Variants in PPP1R12B observed in about 807,000 individuals in gnomAD.
PPP1R12B encodes the protein protein phosphatase 1 regulatory subunit 12B, also known as myosin phosphatase target subunit 2.
In PPP1R12B, 76 loss-of-function variants were observed where a neutral mutation model predicts 126.1. The observed-to-expected ratio is 0.60, with a 90% CI of 0.50 to 0.73. The LOEUF is 0.73. Among genes scored for constraint, PPP1R12B ranks in the 30% least tolerant of loss-of-function variants. The pLI is 0.00. For synonymous variants in PPP1R12B, 356 were observed against 434.7 expected (o/e 0.82, Z 2.25); for missense variants, 1,052 against 1,205.1 (o/e 0.87, Z 1.88).
At chr1:202,394,433 T>C (rs1664622036) in intron 1 of PPP1R12B, among the ~76,000 whole-genome samples, 1 of 152,078 alleles carries the variant, frequency 6.6e-6, no homozygotes, top group Admixed American at 6.5e-5. Flanking sequence ...AATAAAAATA[T>C]ACTCTGTGTT....
At chr1:202,452,268 C>T (rs1029328320) in intron 13 of PPP1R12B, among the ~76,000 whole-genome samples, 1 of 152,226 alleles carries the variant, frequency 6.6e-6, no homozygotes, top group African/African-American at 2.4e-5. Context: ...CCATTGAGCA[C>T]TGAGTGAACG....
intron 13 of PPP1R12B, among the ~76,000 whole-genome samples, chr1:202,479,621 G>A (rs897533190): frequency 6.6e-6 from 1 of 152,184 alleles, no homozygotes; most frequent in Admixed American, 6.5e-5. Context: ...TACATTCTAA[G>A]GGCTTACCAG....
In PPP1R12B at chr1:202,488,624, G is replaced by A. The variant is rs1233389370; in HGVS notation, c.1941+1G>A. 1.9e-6 allele frequency: 3 copies of A among 1,603,634 alleles called. No homozygotes were observed. Among genetic ancestry groups the A allele is most frequent in the Admixed American group, 3.4e-5 (2 of 59,372 alleles). ...TCGGCAGACACGAAGGTCTACTCAA[G>A]TGAGTGTGGCTTTTTTTAAAATGTC... On this transcript the variant is annotated splice_donor_variant, in intron 14 of 23. Coordinates refer to ENST00000608999, the MANE Select transcript of PPP1R12B (RefSeq NM_002481.4). LOFTEE classifies it high-confidence loss of function.
chr1:202,362,707 A>G (rs956811942), intron 1 of PPP1R12B, among the ~76,000 whole-genome samples: 9 of 150,950 alleles, frequency 6.0e-5, no homozygotes, highest in African/African-American at 1.9e-4. Flanking sequence ...TTAAAATTAT[A>G]AATTTAATTT....
At chr1:202,447,258 G>A (rs1455264122) in intron 12 of PPP1R12B, among the ~76,000 whole-genome samples, 1 of 152,152 alleles carries the variant, frequency 6.6e-6, no homozygotes, top group East Asian at 1.9e-4. Flanking sequence ...TTATTTTATA[G>A]ACGAGGAAAC....
intron 10 of PPP1R12B, chr1:202,439,309 C>A (rs1194465775): frequency 3.5e-6 from 5 of 1,419,394 alleles, no homozygotes; most frequent in Admixed American, 1.7e-5. Flanking sequence ...GAGGCCATCT[C>A]CATCCTGAGG....
At chr1:202,479,203 T>C (rs1337188273) in intron 13 of PPP1R12B, among the ~76,000 whole-genome samples, 2 of 152,186 alleles carry the variant, frequency 1.3e-5, no homozygotes, top group African/African-American at 4.8e-5. Flanking sequence ...GGAATTCCAA[T>C]TTACTAATTT....
At chr1:202,428,135 G>A (rs951017823) in intron 5 of PPP1R12B, among the ~76,000 whole-genome samples, 8 of 151,964 alleles carry the variant, frequency 5.3e-5, no homozygotes, top group Non-Finnish European at 1.2e-4. Context: ...ATAGATGAAG[G>A]TATTATCATA....
In PPP1R12B at chr1:202,588,745, G is replaced by T. The variant is rs936133506; in HGVS notation, c.*8185G>T. The T allele has an allele frequency of 6.6e-6, 1 of 151,968 alleles. No homozygotes were observed. The highest frequency in any genetic ancestry group is 2.4e-5 in the African/African-American group (1 of 41,328). 9.4% of individuals were successfully genotyped at this position (151,968 alleles called of 1,614,324 possible). ...CACAGTGAGTCATGGCCACTGAGAA[G>T]GGTCTCTGGTAGTATCAAGGAATTT... On this transcript the variant is annotated 3_prime_UTR_variant, in exon 24 of 24. Coordinates refer to ENST00000608999, the MANE Select transcript of PPP1R12B (RefSeq NM_002481.4).
chr1:202,523,401 TA>T (rs1682981339), intron 18 of PPP1R12B, among the ~76,000 whole-genome samples: 1 of 152,202 alleles, frequency 6.6e-6, no homozygotes. Context: ...GAGTATATCT[TA>T]TTGACAGGTT....
intron 1 of PPP1R12B, among the ~76,000 whole-genome samples, chr1:202,353,792 TG>T (rs1656515287): frequency 6.6e-6 from 1 of 152,016 alleles, no homozygotes; most frequent in South Asian, 2.1e-4. Flanking sequence ...TAAAATTTTT[TG>T]TAGACAAGGG....
At chr1:202,451,707 T>C in intron 13 of PPP1R12B, among the ~76,000 whole-genome samples, 1 of 150,904 alleles carries the variant, frequency 6.6e-6, no homozygotes, top group East Asian at 2.0e-4. Flanking sequence ...GACGGGGTGG[T>C]GGCCGGGCAG....
chr1:202,370,610 C>G (rs1234466305), intron 1 of PPP1R12B, among the ~76,000 whole-genome samples: 1 of 151,958 alleles, frequency 6.6e-6, no homozygotes, highest in Non-Finnish European at 1.5e-5. Context: ...GATCTCAGCT[C>G]ACTGCAACCT....
chr1:202,422,113 C>T (rs1668874159), intron 2 of PPP1R12B, among the ~76,000 whole-genome samples: 1 of 152,208 alleles, frequency 6.6e-6, no homozygotes, highest in African/African-American at 2.4e-5. Context: ...AATTATTTAA[C>T]ATTTTAATAT....
rs556219593 is a variant in PPP1R12B at position 202,456,044 on chromosome 1, G to A, written c.1850+6873G>A. Among the ~76,000 whole-genome samples, 3 of 152,152 alleles carry A rather than the reference G, an allele frequency of 2.0e-5. No individual in the cohort carries two copies. The East Asian group carries it at 5.8e-4, about 29-fold the overall frequency. On this transcript the variant is annotated intron_variant, in intron 13 of 23. Transcript: ENST00000608999. ...AGCACTTTGGGAGGCTGAGGGGGTT[G>A]GATCACTTGATGTCAGGAGTTCTAG...
chr1:202,442,465 A>G lies in PPP1R12B; in HGVS notation c.1560A>G (p.Leu520=). ...TCTACAGAGAATCAGCTGTTAATCT[A>G]GTGAGGAGTGGCTCCTATACCCGGC... The part of the protein sequence containing the change: ...EKENRESAVN[L]VRSGSYTRQL... The change falls in exon 12 of 24, where the codon CTA becomes CTG. Residue 520 remains leucine, a synonymous_variant. Coordinates refer to ENST00000608999, the MANE Select transcript of PPP1R12B (RefSeq NM_002481.4). 1 of 1,612,590 alleles carries G rather than the reference A, an allele frequency of 6.2e-7. No individual in the cohort carries two copies. The highest frequency in any genetic ancestry group is 2.2e-5 in the East Asian group (1 of 44,816).
intron 13 of PPP1R12B, among the ~76,000 whole-genome samples, chr1:202,487,572 A>G (rs950472253): frequency 6.6e-6 from 1 of 152,192 alleles, no homozygotes; most frequent in African/African-American, 2.4e-5. Flanking sequence ...TTACAAACAC[A>G]ATAGTCCCGT....
intron 19 of PPP1R12B, 76 bp from the exon 20 acceptor site, chr1:202,562,702 C>A: frequency 6.8e-7 from 1 of 1,476,824 alleles, no homozygotes; most frequent in Non-Finnish European, 9.5e-7. Context: ...AAGGCGCAAA[C>A]TACCCCTGAG....
At position 202,580,614 on chromosome 1, in the gene PPP1R12B, CCT is replaced by C; in HGVS notation, c.*57_*58del. On this transcript the variant is annotated 3_prime_UTR_variant, in exon 24 of 24. Coordinates refer to ENST00000608999, the MANE Select transcript of PPP1R12B (RefSeq NM_002481.4). ...AGGGACAGCATTTGCTGCCCCCACC[CCT>C]CTTTTCCAGTCCTTGCCTTCCAACC... 1.4e-6 allele frequency: 2 copies of C among 1,434,406 alleles called. No individual in the cohort carries two copies. Among genetic ancestry groups the C allele is most frequent in the East Asian group, 2.3e-5 (1 of 43,812 alleles). 88.9% of individuals were successfully genotyped at this position (1,434,406 alleles called of 1,614,324 possible).
Sources: allele counts gnomAD v4.1 joint callset (sites outside exome capture counted in the v4.1 genomes callset), GRCh38; gene constraint gnomAD v4.1.1; transcripts MANE v1.5; gene names NCBI Gene and HGNC (gene_info 2026-07-23, HGNC 2026-07-21).